The following ACSF3 variants were observed in gnomAD, a reference collection of about 807,000 sequenced individuals.
ACSF3 encodes the protein malonate--CoA ligase ACSF3, mitochondrial.
A neutral mutation model predicts 53.2 loss-of-function variants in ACSF3; 78 were observed. The observed-to-expected ratio is 1.47, with a 90% confidence interval of 1.22 to 1.77. The LOEUF (loss-of-function observed/expected upper bound fraction) is 1.77, where lower values mean the gene tolerates loss of function less well. ACSF3 is among the 40% of genes most tolerant of loss of function. ACSF3 has a pLI of 0.00. For synonymous variants in ACSF3, 414 were observed against 333.1 expected (o/e 1.24, Z -2.65); for missense variants, 937 against 771.1 (o/e 1.22, Z -2.55).
At chr16:89,120,970 G>T (rs3743983) in intron 7 of ACSF3, 57 bp downstream of exon 7, 7 of 1,506,764 alleles carry the variant, frequency 4.6e-6, no homozygotes, top group South Asian at 1.1e-5. Flanking sequence ...AGGCCCCCCA[G>T]GGTGGTTACA....
At chr16:89,108,132 A>G (rs1406226526) in intron 4 of ACSF3, among the ~76,000 whole-genome samples, 1 of 152,210 alleles carries the variant, frequency 6.6e-6, no homozygotes, top group Non-Finnish European at 1.5e-5. Flanking sequence ...ACCGGCCCCC[A>G]TAATTCAATT....
At chr16:89,121,835 A>G (rs1906717259) in intron 7 of ACSF3, among the ~76,000 whole-genome samples, 1 of 152,198 alleles carries the variant, frequency 6.6e-6, no homozygotes, top group African/African-American at 2.4e-5. Flanking sequence ...ACACATGACC[A>G]CGTGAGGGTT....
At chr16:89,114,667 G>C in intron 6 of ACSF3, 180 bp downstream of exon 6, 1 of 869,562 alleles carries the variant, frequency 1.2e-6, no homozygotes. Context: ...CCTCTGGGTA[G>C]ATCAGCCTTC....
chr16:89,095,158 G>A (rs1413469778), intron 1 of ACSF3: 3 of 152,210 alleles, frequency 2.0e-5, no homozygotes, highest in Non-Finnish European at 4.4e-5. Context: ...GAGCTTTGTA[G>A]CGTGAAGCCT....
chr16:89,145,636 C>T (rs1006683914), intron 9 of ACSF3, among the ~76,000 whole-genome samples: 6 of 152,178 alleles, frequency 3.9e-5, no homozygotes, highest in Admixed American at 3.3e-4. Flanking sequence ...CCTGGCCGGG[C>T]GCAGCTCCCA....
At chr16:89,135,146 A>T (rs1268435023) in intron 8 of ACSF3, among the ~76,000 whole-genome samples, 8 of 140,462 alleles carry the variant, frequency 5.7e-5, no homozygotes, top group African/African-American at 2.2e-4. Flanking sequence ...TTTAAGTAAT[A>T]TTTTCCAAAA....
intron 1 of ACSF3, among the ~76,000 whole-genome samples, chr16:89,098,229 T>C (rs1030173546): frequency 6.6e-6 from 1 of 152,252 alleles, no homozygotes; most frequent in East Asian, 1.9e-4. Context: ...TAGACAACTA[T>C]GAAGTGTTGT....
chr16:89,149,135 C>G (rs1166750869), intron 10 of ACSF3: 2 of 152,252 alleles, frequency 1.3e-5, no homozygotes, highest in African/African-American at 4.8e-5. Flanking sequence ...TCATCTCCCT[C>G]CGAGTCTACC....
intron 4 of ACSF3, among the ~76,000 whole-genome samples, chr16:89,108,850 A>C (rs1162487128): frequency 6.6e-6 from 1 of 152,190 alleles, no homozygotes; most frequent in African/African-American, 2.4e-5. Flanking sequence ...TTTACATATA[A>C]ATCTCTGTAG....
chr16:89,103,284 A>T (rs1008744575), intron 4 of ACSF3, among the ~76,000 whole-genome samples: 2 of 152,234 alleles, frequency 1.3e-5, no homozygotes, highest in African/African-American at 4.8e-5. Flanking sequence ...GTTTAAAATA[A>T]TGCGAGTTTG....
At chr16:89,137,029 G>T (rs1002186896) in intron 8 of ACSF3, among the ~76,000 whole-genome samples, 2 of 152,244 alleles carry the variant, frequency 1.3e-5, no homozygotes, top group Admixed American at 6.5e-5. Context: ...GCCACCTGGG[G>T]CGAGTGGAAG....
At chr16:89,133,986 G>C (rs1909886241) in intron 8 of ACSF3, among the ~76,000 whole-genome samples, 1 of 152,208 alleles carries the variant, frequency 6.6e-6, no homozygotes, top group South Asian at 2.1e-4. Context: ...CCCCTCCTTT[G>C]TGAGAAGCTG....
At chr16:89,112,327 A>C in intron 5 of ACSF3, 81 bp downstream of exon 5, 1 of 1,566,728 alleles carries the variant, frequency 6.4e-7, no homozygotes, top group Non-Finnish European at 8.8e-7. Context: ...AATCACTCCT[A>C]CTAAGTTCTG....
At chr16:89,122,496 C>G (rs1394778430) in intron 7 of ACSF3, 1 of 405,514 alleles carries the variant, frequency 2.5e-6, no homozygotes, top group African/African-American at 2.0e-5. Context: ...CCCTTCCTGG[C>G]TCTCAAGTCT....
chr16:89,111,830 C>CA (rs1382942885), intron 4 of ACSF3, among the ~76,000 whole-genome samples: 2 of 152,244 alleles, frequency 1.3e-5, no homozygotes, highest in African/African-American at 2.4e-5. Context: ...CCTGACCACT[C>CA]ACGTCTCTCC....
At chr16:89,142,800 C>G (rs1912107584) in intron 8 of ACSF3, among the ~76,000 whole-genome samples, 1 of 152,214 alleles carries the variant, frequency 6.6e-6, no homozygotes, top group Non-Finnish European at 1.5e-5. Context: ...GACACACCCA[C>G]ACCTGCAGAC....
intron 8 of ACSF3, among the ~76,000 whole-genome samples, chr16:89,134,371 G>A (rs1370099369): frequency 6.6e-6 from 1 of 152,228 alleles, no homozygotes; most frequent in Admixed American, 6.5e-5. Context: ...TGGGTGCTTA[G>A]CCGTGCAGGA....
At chr16:89,138,479 A>T (rs1288650039) in intron 8 of ACSF3, among the ~76,000 whole-genome samples, 1 of 152,202 alleles carries the variant, frequency 6.6e-6, no homozygotes, top group Non-Finnish European at 1.5e-5. Flanking sequence ...CTCTGCGCCA[A>T]GGGTGCCGAC....
Position 89,114,955 on chromosome 16 carries a change from C to T in ACSF3, c.1126+468C>T, listed in dbSNP as rs184838042. On this transcript the variant is annotated intron_variant, in intron 6 of 10. Transcript: ENST00000614302. ...TGAGTCAAGCACCTGTCTTCCTTCTCTAGATGTGGGCTCCTGATACCGGGC... is the reference window on the plus strand; with the variant it reads ...TGAGTCAAGCACCTGTCTTCCTTCTTTAGATGTGGGCTCCTGATACCGGGC... 1,579 of 276,192 alleles carry T rather than the reference C, an allele frequency of 5.7e-3. 7 individuals carry two copies. Among genetic ancestry groups the T allele is most frequent in the Admixed American group, 0.012 (259 of 21,062 alleles). The allele number at this position is 276,192 out of a possible 1,614,324, so 17.1% of individuals were successfully genotyped here.
Sources: gnomAD v4.1 joint callset for allele counts (sites outside exome capture counted in the v4.1 genomes callset) on GRCh38, gnomAD v4.1.1 for gene constraint, MANE v1.5 for transcripts, NCBI Gene and HGNC (gene_info 2026-07-23, HGNC 2026-07-21) for gene names.